MYOM1: variants seen among roughly 807,000 people sequenced by gnomAD.
MYOM1 encodes myomesin-1.
MYOM1 carries 164 observed loss-of-function variants against 205.3 expected under a neutral mutation model. That is an observed-to-expected ratio of 0.80 (90% CI 0.70 to 0.91). The LOEUF (loss-of-function observed/expected upper bound fraction) is 0.91, where lower values mean the gene tolerates loss of function less well. Ranked by LOEUF, MYOM1 falls within the 40% of genes least tolerant of loss-of-function variation. The pLI, the probability that MYOM1 is intolerant of heterozygous loss-of-function variation, is 0.00. For synonymous variants in MYOM1, 772 were observed against 789.4 expected, an observed-to-expected ratio of 0.98 and a Z score of 0.37; for missense variants, 2,011 against 2,127.3, an observed-to-expected ratio of 0.95 and a Z score of 1.08.
intron 2 of MYOM1, among the ~76,000 whole-genome samples, chr18:3,204,947 G>T (rs551912652): frequency 3.3e-5 from 5 of 152,030 alleles, no homozygotes; most frequent in Non-Finnish European, 4.4e-5. Flanking sequence ...AAGGTATCAA[G>T]AAATTTAATG....
At chr18:3,084,957 T>C in intron 31 of MYOM1, 88 bp downstream of exon 31, 1 of 1,022,422 alleles carries the variant, frequency 9.8e-7, no homozygotes, top group Non-Finnish European at 1.4e-6. Flanking sequence ...ATCAGCATGA[T>C]TTCAATCGTC....
At chr18:3,072,917 T>C (rs1169463186) in intron 36 of MYOM1, among the ~76,000 whole-genome samples, 1 of 151,582 alleles carries the variant, frequency 6.6e-6, no homozygotes, top group Non-Finnish European at 1.5e-5. Context: ...TGAGAAAAGG[T>C]TGCATAATGG....
chr18:3,070,489 C>T (rs547314615), intron 37 of MYOM1, among the ~76,000 whole-genome samples: 12 of 152,120 alleles, frequency 7.9e-5, no homozygotes, highest in South Asian at 6.2e-4. Context: ...ATAAAAAAAG[C>T]GAATCCAGAT....
chr18:3,138,954 C>A (rs1022778939), intron 14 of MYOM1, among the ~76,000 whole-genome samples: 2 of 152,104 alleles, frequency 1.3e-5, no homozygotes, highest in Non-Finnish European at 2.9e-5. Context: ...AAATTATATA[C>A]CTTTCTATGC....
rs928981588 is a variant in MYOM1, at chr18:3,149,120, T to C, written c.1900+25A>G. On this transcript the variant is annotated intron_variant, in intron 13 of 37. Transcript: ENST00000356443. Reference sequence around the variant, plus strand: ...CTGCTTAGCAAAACATCAGCAATAGTATCTGGGGCAACCAGACTTCTTACC... The same window carrying C: ...CTGCTTAGCAAAACATCAGCAATAGCATCTGGGGCAACCAGACTTCTTACC... The C allele has an allele frequency of 4.3e-6, 7 of 1,609,258 alleles. No homozygotes were observed. The African/African-American group carries it at 6.7e-5, about 15-fold the overall frequency.
chr18:3,088,117 G>A (rs946051806), intron 29 of MYOM1, among the ~76,000 whole-genome samples: 3 of 152,180 alleles, frequency 2.0e-5, no homozygotes, highest in Non-Finnish European at 2.9e-5. Flanking sequence ...GACTGCCCTT[G>A]GTTGCTCAGA....
chr18:3,142,656 G>A (rs922459832), intron 13 of MYOM1, among the ~76,000 whole-genome samples: 5 of 152,008 alleles, frequency 3.3e-5, no homozygotes, highest in Non-Finnish European at 7.4e-5. Flanking sequence ...AGGAGTGTTC[G>A]GGTGAAAGCA....
At chr18:3,098,130 C>A (rs184569247) in intron 25 of MYOM1, among the ~76,000 whole-genome samples, 331 of 152,308 alleles carry the variant, frequency 2.2e-3, no homozygotes, top group African/African-American at 7.7e-3. Flanking sequence ...GTACAACCAT[C>A]TTATGTAGCT....
At chr18:3,214,795 C>T (rs2081237488) in intron 2 of MYOM1, 139 bp downstream of exon 2, 3 of 961,702 alleles carry the variant, frequency 3.1e-6, no homozygotes, top group Non-Finnish European at 4.5e-6. Context: ...CATTGCACTC[C>T]AGCCTGGGCA....
Position 3,165,053 on chromosome 18 carries a change from C to G in MYOM1, c.1340-614G>C, listed in dbSNP as rs985209288. On this transcript the variant is annotated intron_variant, in intron 9 of 37. Transcript: ENST00000356443. ...GACCTTTCTGCTGATGTAACTGTTA[C>G]TGGAGCTGTTAAAAAAGTTATATAG... 3.9e-5 allele frequency among the ~76,000 whole-genome samples: 6 copies of G among 152,124 alleles called. No individual in the cohort carries two copies. The South Asian group carries it at 1.0e-3, about 26-fold the overall frequency.
In MYOM1 at chr18:3,135,386, A is replaced by G. The variant is rs2079941562; in HGVS notation, c.2209+161T>C. On this transcript the variant is annotated intron_variant, in intron 15 of 37. Transcript: ENST00000356443. The surrounding 1 kb of genome is among the most constrained non-coding windows in gnomAD (Gnocchi z 4.1). ...AGAAGTTTACTTTTCATAAACAAAA[A>G]TAATGAATTTTTGTTTAATGTATAG... 3.5e-6 allele frequency: 2 copies of G among 576,874 alleles called. No homozygotes were observed. Among genetic ancestry groups the G allele is most frequent in the Non-Finnish European group, 5.7e-6 (2 of 348,484 alleles). 35.7% of individuals were successfully genotyped at this position (576,874 alleles called of 1,614,324 possible). A position where few individuals can be genotyped will look rare whatever the true frequency, so the allele number is the denominator to read the frequency against.
chr18:3,164,301 T>C lies in MYOM1; in HGVS notation c.1478A>G (p.Tyr493Cys), dbSNP rs546086383. ...RVRMGEYYEQYSAYVFVRDAD... is the reference protein window; with the variant it reads ...RVRMGEYYEQCSAYVFVRDAD... ...ACCTCGAACAAAGACATAAGCACTA[T>C]ATTGTTCATAATATTCTCCCATCCG... Residue 493 changes from tyrosine to cysteine, a missense_variant, in exon 10 of 38, where the codon TAT (tyrosine) becomes TGT (cysteine). Transcript: ENST00000356443. 5 of 1,613,152 alleles carry C rather than the reference T, an allele frequency of 3.1e-6. No homozygotes were observed. The South Asian group carries it at 4.4e-5, about 14-fold the overall frequency.
At chr18:3,190,935 T>C (rs992992735) in intron 3 of MYOM1, among the ~76,000 whole-genome samples, 1 of 152,194 alleles carries the variant, frequency 6.6e-6, no homozygotes, top group South Asian at 2.1e-4. Flanking sequence ...AATGAAGTGA[T>C]AGTCTCCTTG....
At chr18:3,080,960 C>T (rs1373392437) in intron 33 of MYOM1, among the ~76,000 whole-genome samples, 3 of 151,718 alleles carry the variant, frequency 2.0e-5, no homozygotes, top group Non-Finnish European at 4.4e-5. Context: ...GGTGAAACCT[C>T]GTCTTTACTA....
chr18:3,190,553 T>TGG (rs1555628770), intron 3 of MYOM1: 5 of 152,176 alleles, frequency 3.3e-5, no homozygotes, highest in Non-Finnish European at 7.3e-5. Context: ...TCTCCGTAAA[T>TGG]ATTAATAAGC....
chr18:3,069,662 A>C (rs1229045927), intron 37 of MYOM1, among the ~76,000 whole-genome samples: 1 of 138,098 alleles, frequency 7.2e-6, no homozygotes, highest in Non-Finnish European at 1.5e-5. Flanking sequence ...TAAAACTTTT[A>C]ACAAAATGAA....
chr18:3,152,005 C>T lies in MYOM1; in HGVS notation c.1644-112G>A. On this transcript the variant is annotated intron_variant, in intron 11 of 37. Coordinates refer to ENST00000356443, the MANE Select transcript of MYOM1 (RefSeq NM_003803.4). This position sits in a 1 kb window ranked among gnomAD's most constrained non-coding sequence, Gnocchi z 4.3. ...TCAGATCTTCTCCCTATAAAATATC[C>T]AAGTCAGGCGTGGCTCGCTACCTGG... 1 of 1,156,448 alleles carries T rather than the reference C, an allele frequency of 8.6e-7. No homozygotes were observed. The highest frequency in any genetic ancestry group is 1.7e-5 in the South Asian group (1 of 60,466). The allele number at this position is 1,156,448 out of a possible 1,614,324, so 71.6% of individuals were successfully genotyped here.
chr18:3,159,626 A>G (rs2080352178), intron 10 of MYOM1, among the ~76,000 whole-genome samples: 1 of 152,200 alleles, frequency 6.6e-6, no homozygotes. Flanking sequence ...AGGCAAAAGG[A>G]TGCATATCCA....
At chr18:3,162,364 C>T (rs751154743) in intron 10 of MYOM1, among the ~76,000 whole-genome samples, 4 of 152,166 alleles carry the variant, frequency 2.6e-5, no homozygotes, top group Non-Finnish European at 4.4e-5. Context: ...CTGTAACTTA[C>T]AGCCTACTGA....
Sources: gnomAD v4.1 joint callset for allele counts (sites outside exome capture counted in the v4.1 genomes callset) on GRCh38, gnomAD v4.1.1 for gene constraint, Gnocchi (gnomAD v3.1) non-coding constraint, MANE v1.5 for transcripts, NCBI Gene and HGNC (gene_info 2026-07-23, HGNC 2026-07-21) for gene names.